The following TRAPPC9 variants were observed in gnomAD, a reference collection of about 807,000 sequenced individuals.
TRAPPC9 encodes trafficking protein particle complex subunit 9.
A neutral mutation model predicts 124.0 loss-of-function variants in TRAPPC9; 83 were observed. The observed-to-expected ratio is 0.67, with a 90% CI of 0.56 to 0.80. The LOEUF (loss-of-function observed/expected upper bound fraction) is 0.80, where lower values mean the gene tolerates loss of function less well. TRAPPC9 is among the 30% of genes least tolerant of loss of function. The probability of loss-of-function intolerance (pLI) is 0.00; values close to 1 mark genes in which losing one functional copy is unlikely to be tolerated. For synonymous variants in TRAPPC9, 638 were observed against 617.5 expected (o/e 1.03, Z -0.49); for missense variants, 1,302 against 1,508.3 (o/e 0.86, Z 2.27).
At chr8:139,752,563 TACCC>T (rs1819395403) in intron 21 of TRAPPC9, among the ~76,000 whole-genome samples, 1 of 143,438 alleles carries the variant, frequency 7.0e-6, no homozygotes, top group Non-Finnish European at 1.5e-5. Flanking sequence ...ATCCACCATG[TACCC>T]ACCATCAATC....
At chr8:139,821,451 A>G (rs1031846933) in intron 21 of TRAPPC9, among the ~76,000 whole-genome samples, 2 of 152,176 alleles carry the variant, frequency 1.3e-5, no homozygotes, top group African/African-American at 4.8e-5. Context: ...TCTCAGAGGA[A>G]TCTAAGAATA....
intron 19 of TRAPPC9, among the ~76,000 whole-genome samples, chr8:139,942,413 C>T (rs916607467): frequency 6.6e-6 from 1 of 152,094 alleles, no homozygotes; most frequent in Non-Finnish European, 1.5e-5. Context: ...ATCTTAAGAG[C>T]TTCTAATGGA....
Position 139,728,329 on chromosome 8 carries a change from T to C in TRAPPC9, c.*2732A>G, listed in dbSNP as rs1043954153. On this transcript the variant is annotated 3_prime_UTR_variant, in exon 23 of 23. Transcript: ENST00000438773. ...GAAGGGCAGAACCAACTCGCTCAGC[T>C]AGTGAAGTGCAATGGACATGATCTG... Among the ~76,000 whole-genome samples the C allele has an allele frequency of 6.6e-6, 1 of 152,198 alleles. No homozygotes were observed. The highest frequency in any genetic ancestry group is 1.5e-5 in the Non-Finnish European group (1 of 68,028).
intron 17 of TRAPPC9, among the ~76,000 whole-genome samples, chr8:140,159,202 C>T (rs907188806): frequency 6.6e-6 from 1 of 152,190 alleles, no homozygotes; most frequent in Non-Finnish European, 1.5e-5. Context: ...ATACCTAATA[C>T]CTAAAATTCC....
chr8:140,015,617 TG>T (rs995519411), intron 18 of TRAPPC9, among the ~76,000 whole-genome samples: 3 of 150,612 alleles, frequency 2.0e-5, no homozygotes, highest in Non-Finnish European at 4.4e-5. Flanking sequence ...GGTGAAACCC[TG>T]TCTCTACTAA....
chr8:140,440,537 C>T (rs1255953050), intron 2 of TRAPPC9, among the ~76,000 whole-genome samples: 1 of 151,890 alleles, frequency 6.6e-6, no homozygotes, highest in Non-Finnish European at 1.5e-5. Context: ...GGCATCTGAG[C>T]TGCTCTTCCC....
At chr8:140,237,795 T>C (rs976211064) in intron 16 of TRAPPC9, among the ~76,000 whole-genome samples, 4 of 152,028 alleles carry the variant, frequency 2.6e-5, no homozygotes, top group South Asian at 2.1e-4. Context: ...CTTAGAAACA[T>C]GACTGCGGTG....
chr8:140,447,027 T>C (rs1019456944), intron 2 of TRAPPC9, among the ~76,000 whole-genome samples: 1 of 152,196 alleles, frequency 6.6e-6, no homozygotes, highest in Non-Finnish European at 1.5e-5. Flanking sequence ...CAGCCGGGAA[T>C]CACAGGCCAG....
intron 21 of TRAPPC9, among the ~76,000 whole-genome samples, chr8:139,857,528 A>G (rs1827875837): frequency 6.6e-6 from 1 of 152,184 alleles, no homozygotes; most frequent in South Asian, 2.1e-4. Flanking sequence ...CACCAAGTCC[A>G]AGGCCCGTTC....
intron 4 of TRAPPC9, among the ~76,000 whole-genome samples, chr8:140,429,052 GGTTTTTTGTTTT>G (rs765624643): frequency 1.1e-4 from 16 of 151,320 alleles, no homozygotes; most frequent in Middle Eastern, 3.4e-3. Flanking sequence ...GACTGCCAGG[GGTTTTTTGTTTT>G]GTTTTTTGTT....
chr8:140,057,092 C>T lies in TRAPPC9; in HGVS notation c.2557-33013G>A, dbSNP rs566889408. On this transcript the variant is annotated intron_variant, in intron 17 of 22. Transcript: ENST00000438773. ...ATGTCAACAAACATATGAAAAGATGCTCAGCCTCGTAAGTAATTAGGGAAA... is the reference window on the plus strand; with the variant it reads ...ATGTCAACAAACATATGAAAAGATGTTCAGCCTCGTAAGTAATTAGGGAAA... Among the ~76,000 whole-genome samples the T allele has an allele frequency of 6.6e-5, 10 of 152,280 alleles. No homozygotes were observed. In the South Asian group the frequency reaches 1.9e-3, roughly 28 times the overall value.
intron 17 of TRAPPC9, among the ~76,000 whole-genome samples, chr8:140,123,260 A>G (rs934189993): frequency 1.3e-5 from 2 of 152,108 alleles, no homozygotes; most frequent in Non-Finnish European, 2.9e-5. Flanking sequence ...CAAGCTCACA[A>G]GTGCTCCAGC....
intron 4 of TRAPPC9, 97 bp from the exon 5 acceptor site, chr8:140,426,738 G>C: frequency 1.6e-6 from 2 of 1,216,972 alleles, no homozygotes; most frequent in Non-Finnish European, 2.4e-6. Context: ...ATAGCCTAGA[G>C]AAAAATCTGA....
rs757718184 is a variant in TRAPPC9 at position 140,300,501 on chromosome 8, T to G, written c.1736A>C (p.His579Pro). The part of the protein sequence containing the change: ...SPFIYSPIIA[H>P]NRGEERNKKI... Reference sequence around the variant, plus strand: ...CTTGTTCCGCTCTTCTCCACGGTTGTGTGCGATAATTGGTGAATAGATGAA... The same window carrying G: ...CTTGTTCCGCTCTTCTCCACGGTTGGGTGCGATAATTGGTGAATAGATGAA... Residue 579 changes from histidine (H) to proline (P), a missense_variant, in exon 11 of 23, where the codon CAC becomes CCC. Around this residue, in one of 3 missense-constraint regions of TRAPPC9, gnomAD observed 657 missense variants for 811.2 expected, o/e 0.81. Transcript: ENST00000438773. 55 of 1,614,102 alleles carry G rather than the reference T, an allele frequency of 3.4e-5. No homozygotes were observed. The East Asian group carries it at 1.1e-3, about 33-fold the overall frequency.
chr8:140,154,057 G>A (rs141536524), intron 17 of TRAPPC9, among the ~76,000 whole-genome samples: 151 of 152,216 alleles, frequency 9.9e-4, no homozygotes, highest in African/African-American at 3.4e-3. Flanking sequence ...TACAGCTGTC[G>A]ACTTTGCTTG....
Position 139,778,181 on chromosome 8 carries a change from C to A in TRAPPC9, c.3056-45979G>T, listed in dbSNP as rs561177789. Among the ~76,000 whole-genome samples the A allele has an allele frequency of 2.0e-5, 3 of 152,072 alleles. No individual in the cohort carries two copies. In the South Asian group the frequency reaches 6.2e-4, roughly 32 times the overall value. ...ATCAGTCAAACACACACACACACAC[C>A]CATCAGAATTCATAAGGCATTAGGT... On this transcript the variant is annotated intron_variant, in intron 21 of 22. Transcript: ENST00000438773.
chr8:140,023,181 G>A (rs1330258227), intron 18 of TRAPPC9, among the ~76,000 whole-genome samples: 3 of 152,148 alleles, frequency 2.0e-5, no homozygotes, highest in Admixed American at 6.5e-5. Flanking sequence ...CCTGCTTCCC[G>A]AAGGCTGCTG....
intron 17 of TRAPPC9, among the ~76,000 whole-genome samples, chr8:140,212,136 C>T (rs546911146): frequency 4.6e-5 from 7 of 152,356 alleles, no homozygotes; most frequent in African/African-American, 1.4e-4. Context: ...CAAGAAGACA[C>T]GCCTCATCCA....
chr8:140,254,146 G>A (rs893385828), intron 15 of TRAPPC9, among the ~76,000 whole-genome samples: 15 of 152,140 alleles, frequency 9.9e-5, no homozygotes, highest in Non-Finnish European at 1.9e-4. Context: ...CGGCAAAACT[G>A]GGAGGGCCCC....
Sources: gnomAD v4.1 joint callset for allele counts (sites outside exome capture counted in the v4.1 genomes callset) on GRCh38, gnomAD v4.1.1 for gene constraint, gnomAD v4.1.1 regional missense constraint, MANE v1.5 for transcripts, NCBI Gene and HGNC (gene_info 2026-07-23, HGNC 2026-07-21) for gene names.